The following ZFP90 variants were observed in gnomAD, a reference collection of about 807,000 sequenced individuals.
ZFP90 encodes zinc finger protein 90 homolog.
ZFP90 carries 38 observed loss-of-function variants against 60.8 expected under a neutral mutation model. The ratio of observed to expected loss-of-function variants is 0.62; its 90% confidence interval spans 0.48 to 0.82. The LOEUF (loss-of-function observed/expected upper bound fraction) is 0.82, where lower values mean the gene tolerates loss of function less well. Among genes scored for constraint, ZFP90 ranks in the 40% least tolerant of loss-of-function variants. ZFP90 has a pLI of 0.00. For missense variants in ZFP90, 711 were observed against 759.1 expected, an observed-to-expected ratio of 0.94 and a Z score of 0.74; for synonymous variants, 287 against 264.8, an observed-to-expected ratio of 1.08 and a Z score of -0.82.
chr16:68,571,320 A>G (rs11864995), downstream of ZFP90, among the ~76,000 whole-genome samples: 19,908 of 152,220 alleles, frequency 0.13, 1,443 homozygotes, highest in Middle Eastern at 0.16. Context: ...TAAAATCGCT[A>G]TTTTCCAAAC....
downstream of ZFP90, among the ~76,000 whole-genome samples, chr16:68,572,136 G>A (rs555825319): frequency 1.1e-3 from 160 of 151,726 alleles, no homozygotes; most frequent in Non-Finnish European, 1.9e-3. Flanking sequence ...CGCCCAAGCA[G>A]CTAGGACTAC....
chr16:68,569,691 A>T (rs147783229), downstream of ZFP90, among the ~76,000 whole-genome samples: 231 of 152,242 alleles, frequency 1.5e-3, no homozygotes, highest in African/African-American at 5.1e-3. Flanking sequence ...TCTTGAGCCC[A>T]GGAGTTCGAG....
At chr16:68,571,250 T>G (rs146089178), downstream of ZFP90, among the ~76,000 whole-genome samples, 2,654 of 152,294 alleles carry the variant, frequency 0.017, 34 homozygotes, top group Non-Finnish European at 0.025. Flanking sequence ...ACTAGACATT[T>G]TAGAGGCATT....
At chr16:68,551,925 A>G (rs1382833519) in intron 2 of ZFP90, among the ~76,000 whole-genome samples, 1 of 150,700 alleles carries the variant, frequency 6.6e-6, no homozygotes, top group Non-Finnish European at 1.5e-5. Context: ...TGCCCGGTTA[A>G]TTTTTTTTAA....
In ZFP90 at chr16:68,563,967, T is replaced by C; in HGVS notation, c.1180T>C (p.Phe394Leu). 6.2e-7 allele frequency: 1 copy of C among 1,614,124 alleles called. No homozygotes were observed. Among genetic ancestry groups the C allele is most frequent in the Non-Finnish European group, 8.5e-7 (1 of 1,179,998 alleles). ...GAGGACTCATACTGGAGAGAAACCTTTTGAATGTAGCATATGTGGGAGGGC... is the reference window on the plus strand; with the variant it reads ...GAGGACTCATACTGGAGAGAAACCTCTTGAATGTAGCATATGTGGGAGGGC... ...HERTHTGEKP[F>L]ECSICGRAFG... The change falls in exon 5 of 5, where the codon TTT (phenylalanine) becomes CTT (leucine). Residue 394 changes from phenylalanine to leucine, a missense_variant. By Grantham distance (22) the Phe-to-Leu change is conservative. Around this residue, in one of 5 missense-constraint regions of ZFP90, gnomAD observed 146 missense variants for 201.4 expected, o/e 0.73. Coordinates refer to ENST00000563169, the MANE Select transcript of ZFP90 (RefSeq NM_001305203.2).
At chr16:68,543,052 G>T (rs1483045094) in intron 2 of ZFP90, among the ~76,000 whole-genome samples, 2 of 152,130 alleles carry the variant, frequency 1.3e-5, no homozygotes, top group African/African-American at 4.8e-5. Context: ...GTTTGTAGTC[G>T]GGGTGCAATT....
chr16:68,542,553 T>C (rs1418925356), intron 2 of ZFP90, among the ~76,000 whole-genome samples: 1 of 152,048 alleles, frequency 6.6e-6, no homozygotes, highest in East Asian at 1.9e-4. Flanking sequence ...ATCCTGCCAC[T>C]GCACTCCAGC....
At position 68,564,239 on chromosome 16, in the gene ZFP90, T is replaced by C; in HGVS notation, c.1452T>C (p.Phe484=). 1 of 1,613,998 alleles carries C rather than the reference T, an allele frequency of 6.2e-7. No individual in the cohort carries two copies. Among genetic ancestry groups the C allele is most frequent in the South Asian group, 1.1e-5 (1 of 91,070 alleles). The part of the protein sequence containing the change: ...AENPYDCEQA[F]SQQAISHPGE... Reference sequence around the variant, plus strand: ...ACCCCTATGATTGTGAGCAGGCTTTTAGTCAGCAAGCTATTTCTCATCCTG... The same window carrying C: ...ACCCCTATGATTGTGAGCAGGCTTTCAGTCAGCAAGCTATTTCTCATCCTG... The change falls in exon 5 of 5, where the codon TTT becomes TTC. Residue 484 remains phenylalanine, a synonymous_variant. Coordinates refer to ENST00000563169, the MANE Select transcript of ZFP90 (RefSeq NM_001305203.2).
rs368547886 is a variant in ZFP90 at position 68,563,923 on chromosome 16, C to A, written c.1136C>A (p.Ser379Tyr). Residue 379 changes from serine to tyrosine, a missense_variant, in exon 5 of 5, where the codon TCT (serine) becomes TAT (tyrosine). Physicochemically the swap from Ser to Tyr is moderately radical, Grantham distance 144. This residue lies in a region of ZFP90 where 146 missense variants were observed against 201.4 expected (regional missense o/e 0.73). Coordinates refer to ENST00000563169, the MANE Select transcript of ZFP90 (RefSeq NM_001305203.2). ...TGTGGGAAAGCCTTTAGTCGATGTT[C>A]TTCCCTTGTCCAACATGAGAGGACT... The part of the protein sequence containing the change: ...KECGKAFSRC[S>Y]SLVQHERTHT... The A allele has an allele frequency of 6.2e-7, 1 of 1,614,080 alleles. No homozygotes were observed. Among genetic ancestry groups the A allele is most frequent in the African/African-American group, 1.3e-5 (1 of 74,936 alleles).
chr16:68,540,808 C>CCAAA (rs2091030663), intron 2 of ZFP90, among the ~76,000 whole-genome samples: 1 of 92,698 alleles, frequency 1.1e-5, no homozygotes, highest in African/African-American at 4.5e-5. Context: ...TCCGTCTCTG[C>CCAAA]AAAAAAAAAA....
In ZFP90 at chr16:68,539,607, C is replaced by T. The variant is rs1169407982; in HGVS notation, c.-36+128C>T. 8.4e-6 allele frequency: 5 copies of T among 595,542 alleles called. No homozygotes were observed. The East Asian group carries it at 1.6e-4, about 20-fold the overall frequency. The allele number at this position is 595,542 out of a possible 1,614,324, so 36.9% of individuals were successfully genotyped here. On this transcript the variant is annotated intron_variant, in intron 1 of 4. Transcript: ENST00000563169. The stretch of plus-strand genomic sequence containing the variant: ...CGGGAGGCCGCTGAGCCTTTCATTT[C>T]GGGGATGGGGAGCGGCAGGCCCGGG...
intron 4 of ZFP90, among the ~76,000 whole-genome samples, chr16:68,558,932 T>C (rs919256849): frequency 5.3e-5 from 8 of 152,180 alleles, no homozygotes; most frequent in African/African-American, 1.4e-4. Flanking sequence ...CCCAGACTTG[T>C]AGGAAACACC....
At chr16:68,543,199 T>A (rs1243176211) in intron 2 of ZFP90, among the ~76,000 whole-genome samples, 1 of 149,234 alleles carries the variant, frequency 6.7e-6, no homozygotes, top group Admixed American at 6.6e-5. Flanking sequence ...AAGATGTATG[T>A]CTGGTGTATT....
intron 4 of ZFP90, chr16:68,562,160 A>G (rs2152073629): frequency 6.6e-6 from 1 of 152,320 alleles, no homozygotes; most frequent in East Asian, 1.9e-4. Flanking sequence ...TCAGTTTTTA[A>G]AAGAAAATGT....
At chr16:68,539,074 C>G (rs2090985812), upstream of ZFP90, 1 of 152,302 alleles carries the variant, frequency 6.6e-6, no homozygotes, top group African/African-American at 2.4e-5. Context: ...CAGCTAGCAA[C>G]AAGCCCCTTG....
At chr16:68,544,686 C>G (rs1158221582) in intron 2 of ZFP90, among the ~76,000 whole-genome samples, 1 of 151,996 alleles carries the variant, frequency 6.6e-6, no homozygotes, top group East Asian at 1.9e-4. Flanking sequence ...AGACCACTTG[C>G]TGAATCAGGT....
Position 68,564,146 on chromosome 16 carries a change from T to C in ZFP90, c.1359T>C (p.Asn453=). 1 of 1,614,166 alleles carries C rather than the reference T, an allele frequency of 6.2e-7. No homozygotes were observed. ...TLTEVKSYHC[N]DCGEDFSHIT... Reference sequence around the variant, plus strand: ...CCGAAGTGAAATCCTACCATTGTAATGACTGTGGGGAAGACTTTAGTCACA... The same window carrying C: ...CCGAAGTGAAATCCTACCATTGTAACGACTGTGGGGAAGACTTTAGTCACA... Residue 453 remains asparagine, a synonymous_variant, in exon 5 of 5, where the codon AAT becomes AAC. Transcript: ENST00000563169.
intron 2 of ZFP90, among the ~76,000 whole-genome samples, chr16:68,545,940 C>G (rs998014219): frequency 6.6e-6 from 1 of 152,120 alleles, no homozygotes; most frequent in Non-Finnish European, 1.5e-5. Flanking sequence ...TTTGGGAGGC[C>G]GAGACAGGCG....
intron 2 of ZFP90, among the ~76,000 whole-genome samples, chr16:68,546,997 A>G (rs898038318): frequency 5.3e-5 from 8 of 152,232 alleles, no homozygotes; most frequent in Non-Finnish European, 1.2e-4. Flanking sequence ...ATTGATAGAC[A>G]CTTGCTTTGT....
Sources: gnomAD v4.1 joint callset for allele counts (sites outside exome capture counted in the v4.1 genomes callset) on GRCh38, gnomAD v4.1.1 for gene constraint, gnomAD v4.1.1 regional missense constraint, MANE v1.5 for transcripts, NCBI Gene and HGNC (gene_info 2026-07-23, HGNC 2026-07-21) for gene names.